The following SH3PXD2B variants were observed in gnomAD, a reference collection of about 807,000 sequenced individuals.
SH3PXD2B encodes SH3 and PX domains 2B.
In SH3PXD2B, 37 loss-of-function variants were observed where a neutral mutation model predicts 73.1. The ratio of observed to expected loss-of-function variants is 0.51; its 90% CI spans 0.39 to 0.67. The LOEUF is 0.67. SH3PXD2B is among the 30% of genes least tolerant of loss of function. The pLI is 0.00. For synonymous variants in SH3PXD2B, 457 were observed against 480.5 expected, an observed-to-expected ratio of 0.95 and a Z score of 0.64; for missense variants, 1,053 against 1,197.8, an observed-to-expected ratio of 0.88 and a Z score of 1.78.
At chr5:172,366,224 C>T (rs1757517913) in intron 6 of SH3PXD2B, among the ~76,000 whole-genome samples, 1 of 152,170 alleles carries the variant, frequency 6.6e-6, no homozygotes, top group African/African-American at 2.4e-5. Flanking sequence ...CCTGGCTTCA[C>T]CATGTCCTCA....
chr5:172,442,678 A>G (rs1759575588), intron 1 of SH3PXD2B, among the ~76,000 whole-genome samples: 1 of 152,242 alleles, frequency 6.6e-6, no homozygotes. Context: ...TTGCTTACTC[A>G]AAATGCACAT....
intron 2 of SH3PXD2B, among the ~76,000 whole-genome samples, chr5:172,411,977 C>T (rs571247920): frequency 6.6e-6 from 1 of 152,136 alleles, no homozygotes; most frequent in East Asian, 1.9e-4. Context: ...CCTCTCCCTC[C>T]CCCTGGGCCC....
At chr5:172,441,711 G>A (rs946511657) in intron 1 of SH3PXD2B, among the ~76,000 whole-genome samples, 3 of 152,076 alleles carry the variant, frequency 2.0e-5, no homozygotes, top group South Asian at 2.1e-4. Flanking sequence ...TGCCCCAACC[G>A]AATCCAGCCT....
intron 2 of SH3PXD2B, among the ~76,000 whole-genome samples, chr5:172,410,925 C>T (rs1287274117): frequency 1.3e-5 from 2 of 152,198 alleles, no homozygotes; most frequent in Non-Finnish European, 2.9e-5. Flanking sequence ...AGTGGTGTGT[C>T]CAGCCAGTCC....
chr5:172,368,493 A>AT (rs1757584841), intron 6 of SH3PXD2B, among the ~76,000 whole-genome samples: 2 of 13,326 alleles, frequency 1.5e-4, no homozygotes, highest in African/African-American at 3.6e-4. Context: ...AAATATATAT[A>AT]TATTATATAT....
At chr5:172,450,248 T>G (rs1759766026) in intron 1 of SH3PXD2B, among the ~76,000 whole-genome samples, 1 of 152,094 alleles carries the variant, frequency 6.6e-6, no homozygotes, top group South Asian at 2.1e-4. Context: ...ATCCTATCTA[T>G]TAGTCTATTT....
chr5:172,351,903 T>C (rs1270545868), intron 9 of SH3PXD2B, among the ~76,000 whole-genome samples: 1 of 152,118 alleles, frequency 6.6e-6, no homozygotes, highest in African/African-American at 2.4e-5. Flanking sequence ...TGCCAGGCTG[T>C]ATATAACCCA....
chr5:172,386,866 G>C (rs1758071064), intron 4 of SH3PXD2B, among the ~76,000 whole-genome samples: 1 of 152,196 alleles, frequency 6.6e-6, no homozygotes, highest in African/African-American at 2.4e-5. Context: ...GGGCTCAAGC[G>C]ATCCACCTGC....
At chr5:172,393,683 C>T (rs895921863) in intron 4 of SH3PXD2B, among the ~76,000 whole-genome samples, 9 of 152,256 alleles carry the variant, frequency 5.9e-5, no homozygotes, top group Admixed American at 5.9e-4. Flanking sequence ...CTATTCCTAC[C>T]CCTCTCCCAT....
chr5:172,376,805 C>T (rs778852037), intron 5 of SH3PXD2B, among the ~76,000 whole-genome samples: 8 of 152,186 alleles, frequency 5.3e-5, no homozygotes, highest in Non-Finnish European at 1.0e-4. Context: ...CGCATACATC[C>T]CTTTGAGGGT....
At position 172,406,261 on chromosome 5, in the gene SH3PXD2B, C is replaced by T. The variant is rs1427238352; in HGVS notation, c.232+16G>A. On this transcript the variant is annotated intron_variant, in intron 3 of 12. Coordinates refer to ENST00000311601, the MANE Select transcript of SH3PXD2B (RefSeq NM_001017995.3). ...AGCCCCCAGTGTCCCAGTCTGAGAG[C>T]ACCCATCTCACCTACCTGGCAGAAA... 1.2e-6 allele frequency: 2 copies of T among 1,613,472 alleles called. No individual in the cohort carries two copies. The highest frequency in any genetic ancestry group is 1.7e-6 in the Non-Finnish European group (2 of 1,179,522).
intron 5 of SH3PXD2B, among the ~76,000 whole-genome samples, chr5:172,374,273 G>A (rs535407391): frequency 4.2e-4 from 64 of 152,314 alleles, no homozygotes; most frequent in African/African-American, 1.5e-3. Flanking sequence ...TTGGACAGCA[G>A]TGAACACAGT....
chr5:172,345,093 A>AGGGAGGGAAGGAAAGAAGGAGGGAAG (rs1561894233), intron 12 of SH3PXD2B, among the ~76,000 whole-genome samples: 3 of 146,240 alleles, frequency 2.1e-5, no homozygotes, highest in African/African-American at 8.1e-5. Context: ...AGGGAAGGAA[A>AGGGAGGGAAGGAAAGAAGGAGGGAAG]GAAGGAGGGA....
At chr5:172,399,656 CT>C (rs1277425663) in intron 3 of SH3PXD2B, among the ~76,000 whole-genome samples, 9 of 151,226 alleles carry the variant, frequency 6.0e-5, no homozygotes, top group Admixed American at 5.9e-4. Context: ...GATTGCCTTT[CT>C]TTTTCTCCTT....
chr5:172,446,018 C>T (rs1759650853), intron 1 of SH3PXD2B, among the ~76,000 whole-genome samples: 2 of 152,210 alleles, frequency 1.3e-5, no homozygotes, highest in Non-Finnish European at 2.9e-5. Context: ...CACTGAGCCT[C>T]CTGAGTCTGT....
intron 2 of SH3PXD2B, among the ~76,000 whole-genome samples, chr5:172,416,278 G>T (rs1445693486): frequency 1.3e-5 from 2 of 151,966 alleles, no homozygotes; most frequent in Admixed American, 6.6e-5. Flanking sequence ...CAAGTGAGCT[G>T]TGATGGCGCC....
In SH3PXD2B at chr5:172,339,734, G is replaced by A; in HGVS notation, c.1371C>T (p.Asn457=). 6.2e-7 allele frequency: 1 copy of A among 1,614,076 alleles called. No homozygotes were observed. The change falls in exon 13 of 13, where the codon AAC becomes AAT. Residue 457 remains asparagine (N), a synonymous_variant. Coordinates refer to ENST00000311601, the MANE Select transcript of SH3PXD2B (RefSeq NM_001017995.3). The surrounding 1 kb of genome is among the most constrained non-coding windows in gnomAD (Gnocchi z 6.1). The stretch of plus-strand genomic sequence containing the variant: ...GGCCCGTGGCTTCGCTGCCCGTGTT[G>A]TTCTCCAGCGCTGCTGCTTCCCCCA... ...LRLGEAAALE[N]NTGSEATGPS...
intron 5 of SH3PXD2B, among the ~76,000 whole-genome samples, chr5:172,374,472 A>T (rs1757778915): frequency 6.6e-6 from 1 of 152,238 alleles, no homozygotes; most frequent in Non-Finnish European, 1.5e-5. Flanking sequence ...ACCTGAGGTC[A>T]GGAGTTTGAG....
intron 10 of SH3PXD2B, 46 bp downstream of exon 10, chr5:172,350,317 C>T (rs1009398345): frequency 1.9e-6 from 3 of 1,589,462 alleles, no homozygotes; most frequent in South Asian, 2.2e-5. Context: ...ACAGAGCTGG[C>T]ACACAGGGGC....
Sources: gnomAD v4.1 joint callset for allele counts (sites outside exome capture counted in the v4.1 genomes callset) on GRCh38, gnomAD v4.1.1 for gene constraint, Gnocchi (gnomAD v3.1) non-coding constraint, MANE v1.5 for transcripts, NCBI Gene and HGNC (gene_info 2026-07-23, HGNC 2026-07-21) for gene names.